Variants in SLC4A10 observed in about 807,000 individuals in gnomAD.
SLC4A10 encodes sodium-driven chloride bicarbonate exchanger.
Under a neutral mutation model 137.7 loss-of-function variants are expected in SLC4A10, and 42 were observed. The observed-to-expected ratio is 0.30, with a 90% CI of 0.24 to 0.39. SLC4A10 has a LOEUF of 0.39. SLC4A10 is among the 10% of genes least tolerant of loss of function. The pLI is 1.00. For synonymous variants in SLC4A10, 474 were observed against 464.1 expected (o/e 1.02, Z -0.27); for missense variants, 925 against 1,355.0 (o/e 0.68, Z 4.98).
At chr2:161,912,662 C>T (rs1281405235) in intron 15 of SLC4A10, among the ~76,000 whole-genome samples, 1 of 152,104 alleles carries the variant, frequency 6.6e-6, no homozygotes, top group Non-Finnish European at 1.5e-5. Context: ...AAGGCTACTA[C>T]AAACCCTGAG....
At chr2:161,791,286 A>G (rs2054180672) in intron 2 of SLC4A10, among the ~76,000 whole-genome samples, 1 of 152,220 alleles carries the variant, frequency 6.6e-6, no homozygotes, top group Admixed American at 6.5e-5. Flanking sequence ...CTATGCAGCC[A>G]TAAAAAGGAA....
chr2:161,700,347 A>G (rs1442093855), intron 1 of SLC4A10, among the ~76,000 whole-genome samples: 1 of 152,160 alleles, frequency 6.6e-6, no homozygotes, highest in Non-Finnish European at 1.5e-5. Flanking sequence ...CATCGCATTT[A>G]TTCAGTAATT....
chr2:161,965,187 C>T lies in SLC4A10; in HGVS notation c.3159+14C>T. 1 of 1,595,032 alleles carries T rather than the reference C, an allele frequency of 6.3e-7. No homozygotes were observed. ...GCTGAAAAAGAAGTAAGAGCAAAAT[C>T]AATGTTTTATAAAGAAAGAAAAAAG... On this transcript the variant is annotated intron_variant, in intron 23 of 26. Coordinates refer to ENST00000446997, the MANE Select transcript of SLC4A10 (RefSeq NM_001178015.2).
At chr2:161,811,426 G>T (rs1339868995) in intron 3 of SLC4A10, among the ~76,000 whole-genome samples, 1 of 151,622 alleles carries the variant, frequency 6.6e-6, no homozygotes, top group Admixed American at 6.6e-5. Flanking sequence ...TTATGTTGGG[G>T]TTCCTCCATT....
intron 1 of SLC4A10, among the ~76,000 whole-genome samples, chr2:161,745,813 G>T (rs2048332901): frequency 6.6e-6 from 1 of 152,136 alleles, no homozygotes; most frequent in Non-Finnish European, 1.5e-5. Context: ...GTAACACGGT[G>T]GCTCTTGCAG....
intron 5 of SLC4A10, among the ~76,000 whole-genome samples, chr2:161,860,008 C>T (rs2060342901): frequency 6.6e-6 from 1 of 152,164 alleles, no homozygotes; most frequent in Admixed American, 6.5e-5. Flanking sequence ...GTCCGTTATT[C>T]TTTCACACTT....
chr2:161,853,809 A>G (rs2059958259), intron 4 of SLC4A10, among the ~76,000 whole-genome samples: 1 of 151,876 alleles, frequency 6.6e-6, no homozygotes, highest in African/African-American at 2.4e-5. Flanking sequence ...CTTCCTTTTC[A>G]CTTTCTGACA....
chr2:161,915,588 A>G (rs1168329949), intron 15 of SLC4A10, among the ~76,000 whole-genome samples: 1 of 152,150 alleles, frequency 6.6e-6, no homozygotes, highest in Non-Finnish European at 1.5e-5. Flanking sequence ...GCATTGTAAC[A>G]TGCCCTCTGG....
chr2:161,889,737 T>G (rs954744232), intron 10 of SLC4A10, among the ~76,000 whole-genome samples: 1 of 152,180 alleles, frequency 6.6e-6, no homozygotes, highest in Non-Finnish European at 1.5e-5. Context: ...AACCAGCTCT[T>G]GGATTCACTG....
chr2:161,973,993 A>G (rs1698981043), intron 23 of SLC4A10, among the ~76,000 whole-genome samples: 1 of 152,184 alleles, frequency 6.6e-6, no homozygotes, highest in African/African-American at 2.4e-5. Context: ...GGAAATTAAC[A>G]TGTTTTTTAT....
At chr2:161,912,547 G>T (rs1235491689) in intron 15 of SLC4A10, among the ~76,000 whole-genome samples, 1 of 152,084 alleles carries the variant, frequency 6.6e-6, no homozygotes, top group Non-Finnish European at 1.5e-5. Context: ...GGTAATATGT[G>T]TATGTTAGGT....
Position 161,938,683 on chromosome 2 carries a change from C to T in SLC4A10, c.1998-4109C>T, listed in dbSNP as rs149061024. Among the ~76,000 whole-genome samples, 1,170 of 149,494 alleles carry T rather than the reference C, an allele frequency of 7.8e-3. 4 individuals carry two copies. Among genetic ancestry groups the T allele is most frequent in the Middle Eastern group, 0.049 (14 of 284 alleles). On this transcript the variant is annotated intron_variant, in intron 15 of 26. Transcript: ENST00000446997. ...AGTATTCAACTGGTTTCCCCATGAT[C>T]GCAAACCTTTGGAGCTTATAGAAGA...
chr2:161,935,076 A>G lies in SLC4A10; in HGVS notation c.1998-7716A>G, dbSNP rs1186171630. Among the ~76,000 whole-genome samples the G allele has an allele frequency of 2.0e-5, 3 of 152,190 alleles. No individual in the cohort carries two copies. In the East Asian group the frequency reaches 5.8e-4, roughly 29 times the overall value. Reference sequence around the variant, plus strand: ...TCCTTTTTTAAATATGGTGTGAGATAAGGGTCTGATTTCATTCTTCCACAT... The same window carrying G: ...TCCTTTTTTAAATATGGTGTGAGATGAGGGTCTGATTTCATTCTTCCACAT... On this transcript the variant is annotated intron_variant, in intron 15 of 26. Transcript: ENST00000446997.
chr2:161,778,942 T>C (rs762650430), intron 2 of SLC4A10, among the ~76,000 whole-genome samples: 13 of 151,960 alleles, frequency 8.6e-5, no homozygotes, highest in African/African-American at 3.1e-4. Context: ...AGACCTGTCT[T>C]AGTTTGTTTT....
chr2:161,624,424 C>T lies in SLC4A10; in HGVS notation c.-95C>T, dbSNP rs548117608. On this transcript the variant is annotated 5_prime_UTR_variant, in exon 1 of 27. Transcript: ENST00000446997. Reference sequence around the variant, plus strand: ...CAATTGCCTCCTGCTTCAGAGCTACCTGATCCGAATACTAAGCAGAGCGAG... The same window carrying T: ...CAATTGCCTCCTGCTTCAGAGCTACTTGATCCGAATACTAAGCAGAGCGAG... 1 of 1,541,942 alleles carries T rather than the reference C, an allele frequency of 6.5e-7. No individual in the cohort carries two copies. The highest frequency in any genetic ancestry group is 2.5e-5 in the East Asian group (1 of 40,618).
intron 15 of SLC4A10, among the ~76,000 whole-genome samples, chr2:161,910,827 A>T (rs1685651729): frequency 6.6e-6 from 1 of 152,016 alleles, no homozygotes; most frequent in South Asian, 2.1e-4. Flanking sequence ...ACTGACATGC[A>T]GAAGAGTATC....
chr2:161,784,589 C>A (rs2053412598), intron 2 of SLC4A10, among the ~76,000 whole-genome samples: 1 of 151,644 alleles, frequency 6.6e-6, no homozygotes, highest in Non-Finnish European at 1.5e-5. Flanking sequence ...AAATCAATAG[C>A]CATGGGAAAA....
chr2:161,765,391 G>A (rs2050693907), intron 1 of SLC4A10, among the ~76,000 whole-genome samples: 3 of 152,100 alleles, frequency 2.0e-5, no homozygotes, highest in South Asian at 4.1e-4. Context: ...CGGATCACCT[G>A]AGGTCAGGAG....
At chr2:161,940,655 T>G (rs948597911) in intron 15 of SLC4A10, among the ~76,000 whole-genome samples, 6 of 152,326 alleles carry the variant, frequency 3.9e-5, no homozygotes, top group Non-Finnish European at 7.4e-5. Context: ...AAAGGTATTC[T>G]CAAAAATAAT....
Sources: gnomAD v4.1 joint callset for allele counts (sites outside exome capture counted in the v4.1 genomes callset) on GRCh38, gnomAD v4.1.1 for gene constraint, MANE v1.5 for transcripts, NCBI Gene and HGNC (gene_info 2026-07-23, HGNC 2026-07-21) for gene names.